The following NCAM2 variants were observed in gnomAD, a reference collection of about 807,000 sequenced individuals.
The protein encoded by NCAM2 is N-CAM-2.
A neutral mutation model predicts 98.1 loss-of-function variants in NCAM2; 30 were observed. The observed-to-expected ratio is 0.31, with a 90% CI of 0.23 to 0.41. The LOEUF is 0.41. Among genes scored for constraint, NCAM2 ranks in the 10% least tolerant of loss-of-function variants. The probability of loss-of-function intolerance (pLI) is 1.00; values close to 1 mark genes in which losing one functional copy is unlikely to be tolerated. For synonymous variants in NCAM2, 368 were observed against 342.4 expected, an observed-to-expected ratio of 1.07 and a Z score of -0.83; for missense variants, 867 against 1,005.8, an observed-to-expected ratio of 0.86 and a Z score of 1.87.
At chr21:21,513,207 A>G (rs1394597271) in intron 16 of NCAM2, among the ~76,000 whole-genome samples, 1 of 152,012 alleles carries the variant, frequency 6.6e-6, no homozygotes. Context: ...GTATGATACT[A>G]GCTTTATTAT....
intron 15 of NCAM2, among the ~76,000 whole-genome samples, chr21:21,500,955 A>C (rs963573336): frequency 1.3e-5 from 2 of 152,058 alleles, no homozygotes; most frequent in Admixed American, 1.3e-4. Flanking sequence ...GTTTATTCTC[A>C]ATATCCCCAC....
chr21:21,500,646 A>G (rs1231277587), intron 15 of NCAM2, among the ~76,000 whole-genome samples: 1 of 152,118 alleles, frequency 6.6e-6, no homozygotes, highest in East Asian at 1.9e-4. Context: ...CTTACCACCC[A>G]CAAATATATA....
chr21:21,080,985 G>A (rs1306121783), intron 1 of NCAM2, among the ~76,000 whole-genome samples: 1 of 152,128 alleles, frequency 6.6e-6, no homozygotes, highest in Non-Finnish European at 1.5e-5. Flanking sequence ...CAGGCGACTT[G>A]AGAGATCAAG....
chr21:21,125,588 ATATT>A (rs1413961227), intron 1 of NCAM2, among the ~76,000 whole-genome samples: 4 of 75,660 alleles, frequency 5.3e-5, no homozygotes, highest in Non-Finnish European at 8.7e-5. Context: ...TATAATATAC[ATATT>A]TATTAAATAT....
At chr21:21,273,852 G>T (rs1458716925) in intron 1 of NCAM2, among the ~76,000 whole-genome samples, 2 of 152,110 alleles carry the variant, frequency 1.3e-5, no homozygotes, top group African/African-American at 4.8e-5. Flanking sequence ...GACAGGAAAA[G>T]TGCTATAGAA....
At chr21:21,343,305 C>G (rs1204989529) in intron 8 of NCAM2, among the ~76,000 whole-genome samples, 2 of 149,972 alleles carry the variant, frequency 1.3e-5, no homozygotes, top group Non-Finnish European at 3.0e-5. Flanking sequence ...AAGGCTCCAC[C>G]AATTGTCTCC....
At chr21:21,248,440 A>C (rs2071358280) in intron 1 of NCAM2, among the ~76,000 whole-genome samples, 1 of 152,054 alleles carries the variant, frequency 6.6e-6, no homozygotes, top group Non-Finnish European at 1.5e-5. Flanking sequence ...AAATTCCTTG[A>C]AACACAGGAA....
At chr21:21,152,472 T>C (rs2146716906) in intron 1 of NCAM2, among the ~76,000 whole-genome samples, 1 of 152,108 alleles carries the variant, frequency 6.6e-6, no homozygotes, top group Middle Eastern at 3.4e-3. Flanking sequence ...GATTATCATA[T>C]TGTTGAGTTT....
chr21:21,067,184 A>T (rs1201682165), intron 1 of NCAM2, among the ~76,000 whole-genome samples: 1 of 143,474 alleles, frequency 7.0e-6, no homozygotes, highest in Non-Finnish European at 1.5e-5. Flanking sequence ...GTAAATTTAA[A>T]GGCAAAACTT....
At chr21:21,194,346 C>T (rs1241301189) in intron 1 of NCAM2, among the ~76,000 whole-genome samples, 1 of 152,054 alleles carries the variant, frequency 6.6e-6, no homozygotes, top group Non-Finnish European at 1.5e-5. Flanking sequence ...ATGAATGAAA[C>T]CACATTTATA....
At chr21:21,043,159 C>A (rs1257660181) in intron 1 of NCAM2, among the ~76,000 whole-genome samples, 3 of 152,118 alleles carry the variant, frequency 2.0e-5, no homozygotes, top group South Asian at 4.1e-4. Flanking sequence ...TTAGTCCTGC[C>A]CCATGCCCTC....
At chr21:21,293,202 G>A (rs2073356964) in intron 5 of NCAM2, among the ~76,000 whole-genome samples, 1 of 151,848 alleles carries the variant, frequency 6.6e-6, no homozygotes, top group African/African-American at 2.4e-5. Flanking sequence ...AATCTGTTAT[G>A]AAGACATATC....
intron 5 of NCAM2, among the ~76,000 whole-genome samples, chr21:21,301,696 C>T (rs2073720282): frequency 6.6e-6 from 1 of 150,428 alleles, no homozygotes; most frequent in African/African-American, 2.4e-5. Context: ...TCATCCATGT[C>T]CCTACAAAGG....
At chr21:21,390,221 T>C (rs1399573533) in intron 9 of NCAM2, among the ~76,000 whole-genome samples, 1 of 152,190 alleles carries the variant, frequency 6.6e-6, no homozygotes, top group African/African-American at 2.4e-5. Flanking sequence ...CATTATGTTA[T>C]TACAATTAAT....
intron 11 of NCAM2, among the ~76,000 whole-genome samples, chr21:21,421,665 G>A (rs1288857247): frequency 4.6e-5 from 7 of 152,102 alleles, no homozygotes; most frequent in Admixed American, 3.9e-4. Flanking sequence ...TAAATAAGAT[G>A]TAAGACATTT....
intron 11 of NCAM2, among the ~76,000 whole-genome samples, chr21:21,420,104 CTG>C: frequency 6.6e-6 from 1 of 152,084 alleles, no homozygotes. Flanking sequence ...GCAAAACACT[CTG>C]AGAAAAAATG....
chr21:21,410,596 T>G (rs1033229315), intron 10 of NCAM2, 135 bp downstream of exon 10: 3 of 478,044 alleles, frequency 6.3e-6, no homozygotes, highest in African/African-American at 2.0e-5. Context: ...TATTTTACAG[T>G]TATTTACTTA....
intron 1 of NCAM2, among the ~76,000 whole-genome samples, chr21:21,002,640 A>C (rs1231130481): frequency 6.6e-6 from 1 of 152,144 alleles, no homozygotes; most frequent in African/African-American, 2.4e-5. Context: ...ATCTCTTTTC[A>C]GGGTCATCTC....
Position 21,452,973 on chromosome 21 carries a change from AT to A in NCAM2, c.1655-13631del, listed in dbSNP as rs1569079722. 4.7e-3 allele frequency among the ~76,000 whole-genome samples: 416 copies of A among 88,782 alleles called. 1 individual carries two copies. The highest frequency in any genetic ancestry group is 6.9e-3 in the Admixed American group (40 of 5,826). 58.2% of individuals were successfully genotyped at this position (88,782 alleles called of 152,430 possible). A position where few individuals can be genotyped will look rare whatever the true frequency, so the allele number is the denominator to read the frequency against. On this transcript the variant is annotated intron_variant, in intron 12 of 17. Coordinates refer to ENST00000400546, the MANE Select transcript of NCAM2 (RefSeq NM_004540.5). ...TACTATATATTATATATTATATATT[AT>A]TATATATTATATATTATATTATATA...
Sources: allele counts gnomAD v4.1 joint callset (sites outside exome capture counted in the v4.1 genomes callset), GRCh38; gene constraint gnomAD v4.1.1; transcripts MANE v1.5; gene names NCBI Gene and HGNC (gene_info 2026-07-23, HGNC 2026-07-21).